Variants in COL2A1 observed in about 807,000 individuals in gnomAD.
The protein encoded by COL2A1 is collagen alpha-1(II) chain.
COL2A1 carries 28 observed loss-of-function variants against 204.5 expected under a neutral mutation model. That is an observed-to-expected ratio of 0.14 (90% CI 0.10 to 0.19). COL2A1 has a LOEUF of 0.19. COL2A1 is among the 10% of genes least tolerant of loss of function. The probability of loss-of-function intolerance (pLI) is 1.00; values close to 1 mark genes in which losing one functional copy is unlikely to be tolerated. For synonymous variants in COL2A1, 708 were observed against 718.7 expected (o/e 0.99, Z 0.24); for missense variants, 1,388 against 2,027.5 (o/e 0.68, Z 6.06).
rs768961816 is a variant in COL2A1 at position 47,975,584 on chromosome 12, G to T, written c.3619C>A (p.Pro1207Thr). 2 of 1,601,046 alleles carry T rather than the reference G, an allele frequency of 1.2e-6. No homozygotes were observed. The highest frequency in any genetic ancestry group is 1.7e-6 in the Non-Finnish European group (2 of 1,179,882). Residue 1207 changes from proline (P) to threonine (T), a missense_variant, in exon 51 of 54, where the codon CCC becomes ACC. Physicochemically the swap from Pro to Thr is conservative, Grantham distance 38 (BLOSUM62 -1). This residue lies in a region of COL2A1 where 884 missense variants were observed against 1,415.8 expected (regional missense o/e 0.62). Transcript: ENST00000380518. ...GPAGPPGNPGPPGPPGPPGPG... is the reference protein window; with the variant it reads ...GPAGPPGNPGTPGPPGPPGPG... ...CCAGGGGGACCTGGAGGACCAGGGG[G>T]TCCAGGATTTCCAGGAGGACCCTGC...
rs41263855 is a variant in COL2A1, at chr12:47,982,639, G to A, written c.2194-30C>T. 2.9e-3 allele frequency: 4,381 copies of A among 1,522,102 alleles called. 101 individuals carry two copies. The African/African-American group carries it at 0.053, about 18-fold the overall frequency. The allele number at this position is 1,522,102 out of a possible 1,614,324, so 94.3% of individuals were successfully genotyped here. ...GGAGGGAGGTAAGAGGGAGTCTGTA[G>A]TGGACAGCACCTCTCCCTGAACCCA... is the stretch of plus-strand genomic sequence containing the variant. On this transcript the variant is annotated intron_variant, in intron 33 of 53. Coordinates refer to ENST00000380518, the MANE Select transcript of COL2A1 (RefSeq NM_001844.5).
intron 17 of COL2A1, 111 bp from the exon 18 acceptor site, chr12:47,989,392 A>C: frequency 2.1e-6 from 2 of 940,762 alleles, no homozygotes; most frequent in Non-Finnish European, 1.7e-6. Flanking sequence ...TTCACTCCAT[A>C]TCCATTGTGG....
chr12:47,974,326 G>A lies in COL2A1; in HGVS notation c.4080C>T (p.Ser1360=). The A allele has an allele frequency of 1.2e-6, 2 of 1,613,936 alleles. No individual in the cohort carries two copies. Among genetic ancestry groups the A allele is most frequent in the Non-Finnish European group, 1.7e-6 (2 of 1,179,990 alleles). ...TGGGAGCCAGATTGTCATCTCCATA[G>A]CTGAACTGTTGGGGCAGAGAGCGGC... is the stretch of plus-strand genomic sequence containing the variant. ...GETINGGFHF[S]YGDDNLAPNT... is the part of the protein sequence containing the mutation. The change falls in exon 53 of 54, where the codon AGC becomes AGT. Residue 1360 remains serine (S), a synonymous_variant. Coordinates refer to ENST00000380518, the MANE Select transcript of COL2A1 (RefSeq NM_001844.5).
At chr12:47,982,057 C>T (rs376032065) in intron 35 of COL2A1, 50 bp downstream of exon 35, 3 of 1,571,076 alleles carry the variant, frequency 1.9e-6, no homozygotes, top group Non-Finnish European at 2.6e-6. Context: ...CTCCTGGGTG[C>T]AGGGCTAGGA....
At chr12:47,985,183 G>A (rs1177487994) in intron 26 of COL2A1, 90 bp from the exon 27 acceptor site, 2 of 1,027,820 alleles carry the variant, frequency 1.9e-6, no homozygotes, top group Admixed American at 3.9e-5. Flanking sequence ...GGCAGGCCCA[G>A]GACTAGGCAC....
chr12:47,991,821 T>G (rs1939722230), intron 16 of COL2A1, among the ~76,000 whole-genome samples: 1 of 152,172 alleles, frequency 6.6e-6, no homozygotes, highest in Admixed American at 6.5e-5. Context: ...AACGGCAGTG[T>G]TTCTTGGCAG....
intron 29 of COL2A1, 63 bp downstream of exon 29, chr12:47,984,024 C>G: frequency 7.0e-7 from 1 of 1,435,994 alleles, no homozygotes; most frequent in Non-Finnish European, 9.6e-7. Flanking sequence ...ATGGGCTCTC[C>G]CACCCCCACC....
Position 47,985,102 on chromosome 12 carries a change from CA to C in COL2A1, c.1735-10del. Reference sequence around the variant, plus strand: ...TCTTCACCAGGGGCTCCCTGAAAGACAGAACACCATTCTCAGAACATAGACA... The same window carrying C: ...TCTTCACCAGGGGCTCCCTGAAAGACGAACACCATTCTCAGAACATAGACA... On this transcript the variant is annotated splice_polypyrimidine_tract_variant and intron_variant, in intron 26 of 53. Coordinates refer to ENST00000380518, the MANE Select transcript of COL2A1 (RefSeq NM_001844.5). 1 of 1,607,060 alleles carries C rather than the reference CA, an allele frequency of 6.2e-7. No homozygotes were observed. The highest frequency in any genetic ancestry group is 2.2e-5 in the East Asian group (1 of 44,804).
intron 28 of COL2A1, 75 bp downstream of exon 28, chr12:47,984,471 G>C (rs1592215189): frequency 6.8e-7 from 1 of 1,473,446 alleles, no homozygotes; most frequent in South Asian, 1.1e-5. Flanking sequence ...CCATGCCATG[G>C]GGAGGCCGTT....
Position 47,975,473 on chromosome 12 carries a change from C to T in COL2A1, c.3730G>A (p.Ala1244Thr). 6.2e-7 allele frequency: 1 copy of T among 1,613,890 alleles called. No homozygotes were observed. Among genetic ancestry groups the T allele is most frequent in the Non-Finnish European group, 8.5e-7 (1 of 1,180,022 alleles). The change falls in exon 51 of 54, where the codon GCA (alanine) becomes ACA (threonine). Residue 1244 changes from alanine to threonine, a missense_variant. Physicochemically the swap from Ala to Thr is moderately conservative, Grantham distance 58. Around this residue, in one of 3 missense-constraint regions of COL2A1, gnomAD observed 303 missense variants for 369.2 expected, o/e 0.82. Coordinates refer to ENST00000380518, the MANE Select transcript of COL2A1 (RefSeq NM_001844.5). ...DPLQYMRADQ[A>T]AGGLRQHDAE... ...TCATGCTGTCTCAGGCCACCGGCTG[C>T]CTGGTCGGCCCGCATGTACTGCAGG...
intron 7 of COL2A1, 61 bp from the exon 8 acceptor site, chr12:47,996,686 A>G: frequency 7.4e-7 from 1 of 1,355,150 alleles, no homozygotes; most frequent in Non-Finnish European, 1.1e-6. Flanking sequence ...CTACTTGGCT[A>G]GGTAAGCTCT....
At chr12:47,991,386 C>G (rs1939697397) in intron 16 of COL2A1, among the ~76,000 whole-genome samples, 1 of 152,212 alleles carries the variant, frequency 6.6e-6, no homozygotes, top group South Asian at 2.1e-4. Context: ...CCAGGCCAGC[C>G]TTGACACTAG....
Position 47,978,949 on chromosome 12 carries a change from C to T in COL2A1, c.2734-191G>A, listed in dbSNP as rs957473172. ...AACCTTCTCACCATGTGAGACAGCT[C>T]TGGGCAGACAGCCCCAACTTCTCCA... is the stretch of plus-strand genomic sequence containing the variant. On this transcript the variant is annotated intron_variant, in intron 41 of 53. Transcript: ENST00000380518. This position sits in a 1 kb window ranked among gnomAD's most constrained non-coding sequence, Gnocchi z 5.5. 1.3e-5 allele frequency among the ~76,000 whole-genome samples: 2 copies of T among 151,962 alleles called. No homozygotes were observed. Among genetic ancestry groups the T allele is most frequent in the African/African-American group, 4.8e-5 (2 of 41,342 alleles).
intron 22 of COL2A1, 113 bp from the exon 23 acceptor site, chr12:47,986,556 G>GA (rs1349373705): frequency 2.1e-5 from 16 of 765,378 alleles, no homozygotes; most frequent in Non-Finnish European, 2.9e-5. Flanking sequence ...GCTGGGGGGG[G>GA]GCTTGAGGAC....
chr12:47,993,638 C>T, intron 14 of COL2A1, 136 bp from the exon 15 acceptor site: 1 of 1,086,980 alleles, frequency 9.2e-7, no homozygotes, highest in South Asian at 1.3e-5. Context: ...GGACAATGCC[C>T]TGAGCTCTCC....
chr12:47,990,723 T>C (rs1939661645), intron 16 of COL2A1, among the ~76,000 whole-genome samples: 1 of 152,236 alleles, frequency 6.6e-6, no homozygotes, highest in Non-Finnish European at 1.5e-5. Context: ...CAAGGCAAGG[T>C]TGCCAGCTCC....
At chr12:47,979,058 C>A (rs181652175) in intron 41 of COL2A1, among the ~76,000 whole-genome samples, 8 of 152,176 alleles carry the variant, frequency 5.3e-5, no homozygotes, top group African/African-American at 1.9e-4. Flanking sequence ...TCCTCAGGAG[C>A]CGCTCCAGCC....
chr12:47,990,839 C>G (rs918556516), intron 16 of COL2A1, among the ~76,000 whole-genome samples: 1 of 152,162 alleles, frequency 6.6e-6, no homozygotes, highest in Non-Finnish European at 1.5e-5. Context: ...AACTCTTTAC[C>G]GAAACTCTGG....
Position 47,995,916 on chromosome 12 carries a change from G to T in COL2A1, c.613C>A (p.Pro205Thr). 2 of 1,613,380 alleles carry T rather than the reference G, an allele frequency of 1.2e-6. No individual in the cohort carries two copies. The highest frequency in any genetic ancestry group is 1.7e-6 in the Non-Finnish European group (2 of 1,179,344). The part of the protein sequence containing the change: ...QLGVMQGPMG[P>T]MGPRGPPGPA... ...CCTGGAGGTCCTCGAGGTCCCATGG[G>T]GCCCTGCATCGGAACAGAAAATGAG... Residue 205 changes from proline (P) to threonine (T), a missense_variant, in exon 9 of 54, where the codon CCC (proline) becomes ACC (threonine). Around this residue, in one of 3 missense-constraint regions of COL2A1, gnomAD observed 884 missense variants for 1,415.8 expected, o/e 0.62. Coordinates refer to ENST00000380518, the MANE Select transcript of COL2A1 (RefSeq NM_001844.5).
Sources: gnomAD v4.1 joint callset for allele counts (sites outside exome capture counted in the v4.1 genomes callset) on GRCh38, gnomAD v4.1.1 for gene constraint, gnomAD v4.1.1 regional missense constraint, Gnocchi (gnomAD v3.1) non-coding constraint, MANE v1.5 for transcripts, NCBI Gene and HGNC (gene_info 2026-07-23, HGNC 2026-07-21) for gene names.